Variants in GRIN2B observed in about 807,000 individuals in gnomAD.
The protein encoded by GRIN2B is glutamate ionotropic receptor NMDA type subunit 2B.
GRIN2B carries 5 observed loss-of-function variants against 114.5 expected under a neutral mutation model. That is an observed-to-expected ratio of 0.04 (90% CI 0.02 to 0.09). The LOEUF is 0.09. Ranked by LOEUF, GRIN2B falls within the 10% of genes least tolerant of loss-of-function variation. The pLI is 1.00. For missense variants in GRIN2B, 1,108 were observed against 1,943.5 expected (o/e 0.57, Z 8.08); for synonymous variants, 787 against 745.1 (o/e 1.06, Z -0.92).
chr12:13,783,401 T>A lies in GRIN2B; in HGVS notation c.412-29486A>T, dbSNP rs183057620. On this transcript the variant is annotated intron_variant, in intron 3 of 13. Coordinates refer to ENST00000609686, the MANE Select transcript of GRIN2B (RefSeq NM_000834.5). ...TACAGACATTCTTTGATCTCCAAAATATAGGACAAGAGAATTGGTAACGGA... is the reference window on the plus strand; with the variant it reads ...TACAGACATTCTTTGATCTCCAAAAAATAGGACAAGAGAATTGGTAACGGA... 7.2e-3 allele frequency among the ~76,000 whole-genome samples: 668 copies of A among 92,844 alleles called. 5 individuals are homozygous for A. The highest frequency in any genetic ancestry group is 0.022 in the African/African-American group (645 of 29,612). The allele number at this position is 92,844 out of a possible 152,430, so 60.9% of individuals were successfully genotyped here. A position where few individuals can be genotyped will look rare whatever the true frequency, so the allele number is the denominator to read the frequency against.
chr12:13,963,351 C>T (rs1867731601), intron 2 of GRIN2B, among the ~76,000 whole-genome samples: 1 of 152,084 alleles, frequency 6.6e-6, no homozygotes, highest in South Asian at 2.1e-4. Context: ...ATGAACGCAC[C>T]CAGCTTCTGC....
At chr12:13,587,609 C>T (rs1254992765) in intron 10 of GRIN2B, among the ~76,000 whole-genome samples, 3 of 152,166 alleles carry the variant, frequency 2.0e-5, no homozygotes, top group Non-Finnish European at 4.4e-5. Context: ...CTCACCTCAA[C>T]CTCCCAAAGT....
chr12:13,870,483 C>A (rs1865887922), intron 2 of GRIN2B, among the ~76,000 whole-genome samples: 1 of 152,018 alleles, frequency 6.6e-6, no homozygotes, highest in Non-Finnish European at 1.5e-5. Flanking sequence ...GTAACTATAG[C>A]AGGAAACAGT....
intron 3 of GRIN2B, among the ~76,000 whole-genome samples, chr12:13,763,053 C>G (rs1408926138): frequency 6.6e-6 from 1 of 151,914 alleles, no homozygotes; most frequent in African/African-American, 2.4e-5. Flanking sequence ...ATTTGGTCCT[C>G]CATCTAAAAG....
rs185959200 is a variant in GRIN2B, at chr12:13,807,069, T to C, written c.412-53154A>G. ...TATATAAACATAAGGTCCATCACAA[T>C]GTTACTGTTTATTTTCCTGCAAATC... On this transcript the variant is annotated intron_variant, in intron 3 of 13. Transcript: ENST00000609686. Among the ~76,000 whole-genome samples the C allele has an allele frequency of 7.9e-4, 120 of 152,242 alleles. 1 individual carries two copies. Among genetic ancestry groups the C allele is most frequent in the African/African-American group, 2.6e-3 (108 of 41,548 alleles).
In GRIN2B at chr12:13,564,756, G is replaced by A. The variant is rs941848548; in HGVS notation, c.2599-117C>T. The A allele has an allele frequency of 2.8e-5, 27 of 952,188 alleles. No homozygotes were observed. Among genetic ancestry groups the A allele is most frequent in the East Asian group, 2.6e-4 (11 of 41,558 alleles). The allele number at this position is 952,188 out of a possible 1,614,324, so 59.0% of individuals were successfully genotyped here. On this transcript the variant is annotated intron_variant, in intron 13 of 13. Coordinates refer to ENST00000609686, the MANE Select transcript of GRIN2B (RefSeq NM_000834.5). The surrounding 1 kb of genome is among the most constrained non-coding windows in gnomAD (Gnocchi z 4.8). ...ATAAGAAAAAGGGAAAGCATGAAGC[G>A]AATAGTCTAATATACTATTAGATGT...
At chr12:13,749,718 C>G (rs1380921537) in intron 4 of GRIN2B, among the ~76,000 whole-genome samples, 2 of 152,154 alleles carry the variant, frequency 1.3e-5, no homozygotes, top group African/African-American at 4.8e-5. Context: ...GGAGCTTGAA[C>G]TGAATGTGCC....
intron 5 of GRIN2B, among the ~76,000 whole-genome samples, chr12:13,626,600 T>C (rs947266875): frequency 1.4e-4 from 22 of 152,278 alleles, no homozygotes; most frequent in Admixed American, 1.3e-3. Flanking sequence ...GTGAACTCAT[T>C]CATTCACCCT....
At chr12:13,607,481 A>G (rs1949298643) in intron 10 of GRIN2B, among the ~76,000 whole-genome samples, 1 of 110,016 alleles carries the variant, frequency 9.1e-6, no homozygotes, top group Non-Finnish European at 1.7e-5. Flanking sequence ...ATAAATATAT[A>G]TAGTATCTTT....
chr12:13,803,427 A>G (rs1159660310), intron 3 of GRIN2B, among the ~76,000 whole-genome samples: 1 of 152,294 alleles, frequency 6.6e-6, no homozygotes, highest in South Asian at 2.1e-4. Context: ...AGCACTACCA[A>G]GTATTACTGA....
chr12:13,587,891 A>G (rs928915804), intron 10 of GRIN2B, among the ~76,000 whole-genome samples: 1 of 152,212 alleles, frequency 6.6e-6, no homozygotes, highest in Non-Finnish European at 1.5e-5. Context: ...GTTGGTGCAA[A>G]AGTAATTGTG....
At chr12:13,783,830 G>A (rs1456885942) in intron 3 of GRIN2B, among the ~76,000 whole-genome samples, 1 of 151,768 alleles carries the variant, frequency 6.6e-6, no homozygotes, top group Non-Finnish European at 1.5e-5. Context: ...GTGTAGATTA[G>A]CTGAGGAACT....
intron 10 of GRIN2B, among the ~76,000 whole-genome samples, chr12:13,597,554 A>G (rs1949091254): frequency 6.6e-6 from 1 of 152,232 alleles, no homozygotes; most frequent in Non-Finnish European, 1.5e-5. Context: ...AGTTAGCCAC[A>G]GACCAAATCC....
chr12:13,949,306 T>A (rs957353998), intron 2 of GRIN2B, among the ~76,000 whole-genome samples: 15 of 152,152 alleles, frequency 9.9e-5, no homozygotes, highest in Non-Finnish European at 1.6e-4. Context: ...TACAGAGACG[T>A]CTCAAACAGA....
At chr12:13,709,788 C>T (rs140928173) in intron 4 of GRIN2B, among the ~76,000 whole-genome samples, 3 of 152,124 alleles carry the variant, frequency 2.0e-5, no homozygotes, top group African/African-American at 7.2e-5. Context: ...TCCTATATTA[C>T]ATTCCCACTG....
rs577458482 is a variant in GRIN2B, at chr12:13,555,362, T to C, written c.*7421A>G. The C allele has an allele frequency of 1.3e-5, 2 of 152,154 alleles. No homozygotes were observed. The highest frequency in any genetic ancestry group is 4.8e-5 in the African/African-American group (2 of 41,432). The allele number at this position is 152,154 out of a possible 1,614,324, so 9.4% of individuals were successfully genotyped here. ...AGGGTGTAGCCCATTGATGAAGCCA[T>C]GAGCATAAGGTGAGGAAGTGGAGAA... is the stretch of plus-strand genomic sequence containing the variant. On this transcript the variant is annotated 3_prime_UTR_variant, in exon 14 of 14. Coordinates refer to ENST00000609686, the MANE Select transcript of GRIN2B (RefSeq NM_000834.5).
intron 3 of GRIN2B, among the ~76,000 whole-genome samples, chr12:13,814,802 A>G (rs1287371169): frequency 6.6e-6 from 1 of 152,220 alleles, no homozygotes; most frequent in Non-Finnish European, 1.5e-5. Flanking sequence ...AACTAATTTA[A>G]ATTGAAATCT....
intron 5 of GRIN2B, among the ~76,000 whole-genome samples, chr12:13,651,751 A>G (rs1323038345): frequency 6.6e-6 from 1 of 152,118 alleles, no homozygotes; most frequent in African/African-American, 2.4e-5. Flanking sequence ...GTGCCAGTAA[A>G]CAGAAATTAG....
At chr12:13,848,291 T>C (rs1865501856) in intron 3 of GRIN2B, among the ~76,000 whole-genome samples, 1 of 152,126 alleles carries the variant, frequency 6.6e-6, no homozygotes, top group Admixed American at 6.5e-5. Flanking sequence ...GTTGCTCTTG[T>C]CTATTTGGAC....
Sources: allele counts gnomAD v4.1 joint callset (sites outside exome capture counted in the v4.1 genomes callset), GRCh38; gene constraint gnomAD v4.1.1; non-coding constraint Gnocchi (gnomAD v3.1); transcripts MANE v1.5; gene names NCBI Gene and HGNC (gene_info 2026-07-23, HGNC 2026-07-21).